GDE1: variants seen among roughly 807,000 people sequenced by gnomAD.
GDE1 encodes RGS16-interacting membrane protein.
In GDE1, 24 loss-of-function variants were observed where a neutral mutation model predicts 32.2. The ratio of observed to expected loss-of-function variants is 0.75; its 90% CI spans 0.54 to 1.05. The LOEUF (loss-of-function observed/expected upper bound fraction) is 1.05, where lower values mean the gene tolerates loss of function less well. Ranked by LOEUF, GDE1 falls within the 50% of genes least tolerant of loss-of-function variation. The probability of loss-of-function intolerance (pLI) is 0.00; values close to 1 mark genes in which losing one functional copy is unlikely to be tolerated. For missense variants in GDE1, 380 were observed against 415.0 expected, an observed-to-expected ratio of 0.92 and a Z score of 0.73; for synonymous variants, 159 against 158.6, an observed-to-expected ratio of 1.00 and a Z score of -0.02.
intron 4 of GDE1, among the ~76,000 whole-genome samples, chr16:19,505,699 G>A (rs9302382): frequency 0.14 from 20,679 of 152,078 alleles, 1,991 homozygotes; most frequent in East Asian, 0.39. Flanking sequence ...TGTGGTCAAG[G>A]AAGTTTGGGA....
At chr16:19,520,964 C>G (rs951315055) in intron 1 of GDE1, among the ~76,000 whole-genome samples, 1 of 151,996 alleles carries the variant, frequency 6.6e-6, no homozygotes, top group Admixed American at 6.6e-5. Flanking sequence ...CAGGGTTGTG[C>G]GAGTGCGAAT....
intron 3 of GDE1, among the ~76,000 whole-genome samples, chr16:19,508,122 CT>C (rs1969271726): frequency 6.6e-6 from 1 of 152,122 alleles, no homozygotes; most frequent in Admixed American, 6.5e-5. Flanking sequence ...ATGAAAAGTC[CT>C]TTCATACCCA....
chr16:19,518,797 A>G (rs909284056), intron 1 of GDE1, among the ~76,000 whole-genome samples: 7 of 152,210 alleles, frequency 4.6e-5, no homozygotes, highest in African/African-American at 1.7e-4. Context: ...AAATTTATCA[A>G]TAACGTCCTT....
rs749107454 is a variant in GDE1 at position 19,521,956 on chromosome 16, C to T, written c.9G>A (p.Leu3=). 6.5e-7 allele frequency: 1 copy of T among 1,545,654 alleles called. No homozygotes were observed. Among genetic ancestry groups the T allele is most frequent in the Middle Eastern group, 2.0e-4 (1 of 4,910 alleles). MW[L]WEDQGGLLGP... ...CCAGGAGGCCGCCCTGGTCCTCCCACAGCCACATGCCGGCGCCCGCACCGG... is the reference window on the plus strand; with the variant it reads ...CCAGGAGGCCGCCCTGGTCCTCCCATAGCCACATGCCGGCGCCCGCACCGG... Residue 3 remains leucine, a synonymous_variant, in exon 1 of 6, where the codon CTG becomes CTA. Coordinates refer to ENST00000353258, the MANE Select transcript of GDE1 (RefSeq NM_016641.4).
At chr16:19,507,444 C>T (rs565776570) in intron 4 of GDE1, among the ~76,000 whole-genome samples, 2 of 152,212 alleles carry the variant, frequency 1.3e-5, no homozygotes, top group African/African-American at 4.8e-5. Flanking sequence ...AATTTTACTA[C>T]AGTAATCTGA....
chr16:19,507,768 A>C lies in GDE1; in HGVS notation c.555T>G (p.Ala185=), dbSNP rs763424888. The change falls in exon 4 of 6, where the codon GCT becomes GCG. Residue 185 remains alanine, a synonymous_variant. Transcript: ENST00000353258. ...GAAATTCCATATACATTTTCTTTAGAGCCTCAGTAGCCTGTAAAATAAAGA... is the reference window on the plus strand; with the variant it reads ...GAAATTCCATATACATTTTCTTTAGCGCCTCAGTAGCCTGTAAAATAAAGA... The part of the protein sequence containing the change: ...VKGHAHKATE[A]LKKMYMEFPQ... 1 of 1,426,796 alleles carries C rather than the reference A, an allele frequency of 7.0e-7. No homozygotes were observed. Among genetic ancestry groups the C allele is most frequent in the Non-Finnish European group, 9.8e-7 (1 of 1,016,320 alleles). 88.4% of individuals were successfully genotyped at this position (1,426,796 alleles called of 1,614,324 possible). A position where few individuals can be genotyped will look rare whatever the true frequency, so the allele number is the denominator to read the frequency against.
chr16:19,513,668 C>T (rs1045459347), intron 2 of GDE1, among the ~76,000 whole-genome samples: 2 of 151,992 alleles, frequency 1.3e-5, no homozygotes, highest in African/African-American at 4.8e-5. Context: ...ATATGAAGGT[C>T]GAAAGAATCA....
At chr16:19,516,976 A>C in intron 2 of GDE1, 38 bp downstream of exon 2, 1 of 1,570,630 alleles carries the variant, frequency 6.4e-7, no homozygotes, top group Non-Finnish European at 8.8e-7. Flanking sequence ...TTCCAATAAA[A>C]GCTAAAAGAT....
chr16:19,521,995 C>T lies in GDE1; in HGVS notation c.-31G>A. On this transcript the variant is annotated 5_prime_UTR_variant, in exon 1 of 6. Coordinates refer to ENST00000353258, the MANE Select transcript of GDE1 (RefSeq NM_016641.4). ...CGCCCGCACCGGCACGGACGGGAGTCCCGGACCCGCCGGGCTCCTGGGGCA... is the reference window on the plus strand; with the variant it reads ...CGCCCGCACCGGCACGGACGGGAGTTCCGGACCCGCCGGGCTCCTGGGGCA... 1 of 1,511,824 alleles carries T rather than the reference C, an allele frequency of 6.6e-7. No individual in the cohort carries two copies. Among genetic ancestry groups the T allele is most frequent in the Non-Finnish European group, 8.9e-7 (1 of 1,126,322 alleles). The allele number at this position is 1,511,824 out of a possible 1,614,324, so 93.7% of individuals were successfully genotyped here. A position where few individuals can be genotyped will look rare whatever the true frequency, so the allele number is the denominator to read the frequency against.
chr16:19,506,634 C>T (rs529604904), intron 4 of GDE1, among the ~76,000 whole-genome samples: 8 of 151,600 alleles, frequency 5.3e-5, no homozygotes, highest in Admixed American at 1.3e-4. Context: ...AGCAAGACTC[C>T]GTCTCAAAAA....
intron 5 of GDE1, chr16:19,504,395 C>G (rs1969217931): frequency 6.3e-6 from 1 of 159,818 alleles, no homozygotes; most frequent in African/African-American, 2.4e-5. Context: ...AATACTAGAC[C>G]TACAACTCTA....
At chr16:19,517,601 C>G (rs1414284486) in intron 1 of GDE1, among the ~76,000 whole-genome samples, 1 of 152,200 alleles carries the variant, frequency 6.6e-6, no homozygotes, top group Non-Finnish European at 1.5e-5. Context: ...TATTTCACTA[C>G]TTTGGCATAA....
At chr16:19,505,131 G>T in intron 4 of GDE1, 39 bp from the exon 5 acceptor site, 1 of 1,352,486 alleles carries the variant, frequency 7.4e-7, no homozygotes, top group Non-Finnish European at 1.1e-6. Context: ...ATGATCATAT[G>T]TAAAGTTGAA....
Position 19,518,779 on chromosome 16 carries a change from A to G in GDE1, c.262-1590T>C, listed in dbSNP as rs143913474. Among the ~76,000 whole-genome samples, 957 of 152,354 alleles carry G rather than the reference A, an allele frequency of 6.3e-3. 14 individuals carry two copies. The highest frequency in any genetic ancestry group is 0.04 in the South Asian group (193 of 4,830). On this transcript the variant is annotated intron_variant, in intron 1 of 5. Coordinates refer to ENST00000353258, the MANE Select transcript of GDE1 (RefSeq NM_016641.4). ...CCTTTTAAACACATCTTTAAAGGTA[A>G]TATAGTCAAATTTATCAATAACGTC...
In GDE1 at chr16:19,507,722, C is replaced by A. The variant is rs148576400; in HGVS notation, c.601G>T (p.Val201Leu). ...ACTTCTGGCAAGAAAGAACAGACCACACTATTATTATACAGTTGAGGAAAT... is the reference window on the plus strand; with the variant it reads ...ACTTCTGGCAAGAAAGAACAGACCAAACTATTATTATACAGTTGAGGAAAT... ...MEFPQLYNNS[V>L]VCSFLPEVIY... Residue 201 changes from valine to leucine, a missense_variant, in exon 4 of 6, where the codon GTG (valine) becomes TTG (leucine). Coordinates refer to ENST00000353258, the MANE Select transcript of GDE1 (RefSeq NM_016641.4). The A allele has an allele frequency of 4.4e-4, 704 of 1,584,382 alleles. No individual in the cohort carries two copies. The highest frequency in any genetic ancestry group is 8.5e-4 in the Admixed American group (51 of 59,920).
chr16:19,506,960 C>A (rs1279484802), intron 4 of GDE1, among the ~76,000 whole-genome samples: 3 of 151,570 alleles, frequency 2.0e-5, no homozygotes, highest in African/African-American at 4.8e-5. Flanking sequence ...ACAGGGAGAC[C>A]CTGTCTCTAC....
rs11428352 is a variant in GDE1, at chr16:19,508,633, AT to A, written c.544-855del. On this transcript the variant is annotated intron_variant, in intron 3 of 5. Coordinates refer to ENST00000353258, the MANE Select transcript of GDE1 (RefSeq NM_016641.4). ...CAACTGAAGGCAAGCTATAGAAAGC[AT>A]TTTTTTTTCTGTTTGAACAAAGACA... 5.2e-3 allele frequency among the ~76,000 whole-genome samples: 783 copies of A among 151,748 alleles called. 7 individuals are homozygous for A. The highest frequency in any genetic ancestry group is 0.017 in the African/African-American group (708 of 41,366).
rs779413798 is a variant in GDE1 at position 19,505,094 on chromosome 16, T to G, written c.637-2A>C. ...TACATCCCGATCTGTTTGTCTCATC[T>G]GCAAAGGAATTTGGGGAAGTAAAAT... On this transcript the variant is annotated splice_acceptor_variant, in intron 4 of 5. Coordinates refer to ENST00000353258, the MANE Select transcript of GDE1 (RefSeq NM_016641.4). LOFTEE classifies it high-confidence loss of function. 1.3e-6 allele frequency: 2 copies of G among 1,591,208 alleles called. No individual in the cohort carries two copies. Among genetic ancestry groups the G allele is most frequent in the Admixed American group, 3.3e-5 (2 of 59,960 alleles).
intron 3 of GDE1, among the ~76,000 whole-genome samples, chr16:19,510,004 A>C (rs1969297669): frequency 6.6e-6 from 1 of 152,176 alleles, no homozygotes; most frequent in African/African-American, 2.4e-5. Flanking sequence ...AATTAAAAAA[A>C]AAAATTGGCA....
Sources: allele counts gnomAD v4.1 joint callset (sites outside exome capture counted in the v4.1 genomes callset), GRCh38; gene constraint gnomAD v4.1.1; transcripts MANE v1.5; gene names NCBI Gene and HGNC (gene_info 2026-07-23, HGNC 2026-07-21).